Variants in PRLR observed in about 807,000 individuals in gnomAD.
PRLR encodes the protein prolactin receptor.
In PRLR, 13 loss-of-function variants were observed where a neutral mutation model predicts 40.2. That is an observed-to-expected ratio of 0.32 (90% CI 0.21 to 0.51). The LOEUF (loss-of-function observed/expected upper bound fraction) is 0.51, where lower values mean the gene tolerates loss of function less well. PRLR is among the 20% of genes least tolerant of loss of function. The pLI is 0.97. For missense variants in PRLR, 656 were observed against 747.3 expected (o/e 0.88, Z 1.42); for synonymous variants, 269 against 278.7 (o/e 0.97, Z 0.35).
intron 1 of PRLR, among the ~76,000 whole-genome samples, chr5:35,123,716 T>G (rs1773365252): frequency 6.6e-6 from 1 of 152,234 alleles, no homozygotes; most frequent in South Asian, 2.1e-4. Context: ...AACAAGGAGC[T>G]AAGCTGCTTG....
rs141575149 is a variant in PRLR at position 35,106,317 on chromosome 5, A to C, written c.-44+11744T>G. ...TCAAGGCTAGGAAGAAACTGCATCA[A>C]CTAATAAGCAAAATAACCAGCTAGC... On this transcript the variant is annotated intron_variant, in intron 2 of 9. Coordinates refer to ENST00000618457, the MANE Select transcript of PRLR (RefSeq NM_000949.7). Among the ~76,000 whole-genome samples the C allele has an allele frequency of 1.9e-3, 295 of 152,342 alleles. 1 individual carries two copies. The highest frequency in any genetic ancestry group is 6.9e-3 in the African/African-American group (288 of 41,570).
At chr5:35,068,136 CG>C in intron 9 of PRLR, 79 bp downstream of exon 9, 1 of 1,306,942 alleles carries the variant, frequency 7.7e-7, no homozygotes, top group African/African-American at 1.5e-5. Flanking sequence ...GCTGAACTGA[CG>C]GGGACTGTGT....
chr5:35,222,052 C>G (rs956363558), intron 1 of PRLR, among the ~76,000 whole-genome samples: 1 of 152,196 alleles, frequency 6.6e-6, no homozygotes, highest in Non-Finnish European at 1.5e-5. Context: ...TGCCTGTAAT[C>G]CCAGCACTTT....
At chr5:35,219,343 G>T (rs1013585434) in intron 1 of PRLR, among the ~76,000 whole-genome samples, 26 of 152,136 alleles carry the variant, frequency 1.7e-4, no homozygotes, top group African/African-American at 6.3e-4. Context: ...ATGATCTTGG[G>T]CATATGACTT....
chr5:35,096,960 C>T (rs1225674920), intron 2 of PRLR, among the ~76,000 whole-genome samples: 1 of 152,164 alleles, frequency 6.6e-6, no homozygotes. Context: ...TGGACATTCT[C>T]ACTAATTGGC....
rs926795231 is a variant in PRLR at position 35,118,067 on chromosome 5, G to A, written c.-50C>T. On this transcript the variant is annotated 5_prime_UTR_variant, in exon 2 of 10. Transcript: ENST00000618457. ...GAGAACAAGTCCCCCTTACCTTCAG[G>A]GTTCATGTGGAAAGCATCCTCAGTG... The A allele has an allele frequency of 3.0e-6, 3 of 985,106 alleles. No individual in the cohort carries two copies. The African/African-American group carries it at 5.2e-5, about 17-fold the overall frequency. 61.0% of individuals were successfully genotyped at this position (985,106 alleles called of 1,614,324 possible).
chr5:35,177,428 C>T (rs557062970), intron 1 of PRLR, among the ~76,000 whole-genome samples: 1 of 152,240 alleles, frequency 6.6e-6, no homozygotes, highest in East Asian at 1.9e-4. Flanking sequence ...ATTTTTTTCA[C>T]CACCTAAGGA....
At chr5:35,068,919 A>G in intron 7 of PRLR, 41 bp from the exon 8 acceptor site, 2 of 1,445,446 alleles carry the variant, frequency 1.4e-6, no homozygotes, top group African/African-American at 1.4e-5. Flanking sequence ...CACGTACAGC[A>G]TCATTAAAAA....
chr5:35,175,545 C>A (rs905617996), intron 1 of PRLR, among the ~76,000 whole-genome samples: 6 of 151,166 alleles, frequency 4.0e-5, no homozygotes, highest in African/African-American at 4.9e-5. Context: ...GATGTGGATG[C>A]CTTGGGAGAA....
At chr5:35,090,977 A>AT (rs1424540776) in intron 2 of PRLR, among the ~76,000 whole-genome samples, 4 of 151,048 alleles carry the variant, frequency 2.6e-5, no homozygotes, top group Admixed American at 6.6e-5. Context: ...TGCCCGGCTA[A>AT]TTTTTTTTGT....
chr5:35,113,477 C>CCATCCATCCATCCATG (rs1561311176), intron 2 of PRLR, among the ~76,000 whole-genome samples: 2 of 147,884 alleles, frequency 1.4e-5, no homozygotes, highest in African/African-American at 5.0e-5. Context: ...ATCCATCCAT[C>CCATCCATCCATCCATG]CATCCATCCA....
chr5:35,188,743 G>C (rs1775515281), intron 1 of PRLR, among the ~76,000 whole-genome samples: 1 of 152,208 alleles, frequency 6.6e-6, no homozygotes, highest in East Asian at 1.9e-4. Flanking sequence ...ATACAAACCG[G>C]TGGAATCTCA....
At chr5:35,153,062 G>C (rs1372016199) in intron 1 of PRLR, 1 of 152,116 alleles carries the variant, frequency 6.6e-6, no homozygotes, top group Non-Finnish European at 1.5e-5. Context: ...CTTTGATATG[G>C]AGACAATAAT....
Position 35,100,759 on chromosome 5 carries a change from C to T in PRLR, c.-43-11096G>A, listed in dbSNP as rs557618249. On this transcript the variant is annotated intron_variant, in intron 2 of 9. Coordinates refer to ENST00000618457, the MANE Select transcript of PRLR (RefSeq NM_000949.7). ...TCTAGCCTAGTCCTGGTCTTTAAAGCTTTTTACATATTCCCCCCTCTATTT... is the reference window on the plus strand; with the variant it reads ...TCTAGCCTAGTCCTGGTCTTTAAAGTTTTTTACATATTCCCCCCTCTATTT... Among the ~76,000 whole-genome samples the T allele has an allele frequency of 2.6e-5, 4 of 152,214 alleles. No individual in the cohort carries two copies. The South Asian group carries it at 8.3e-4, about 32-fold the overall frequency.
chr5:35,090,343 G>T (rs1771119729), intron 2 of PRLR, among the ~76,000 whole-genome samples: 1 of 152,140 alleles, frequency 6.6e-6, no homozygotes, highest in Non-Finnish European at 1.5e-5. Flanking sequence ...TTCTGAACCT[G>T]CAGGGGTTGG....
intron 1 of PRLR, among the ~76,000 whole-genome samples, chr5:35,146,861 T>C (rs1025717021): frequency 4.6e-5 from 7 of 152,192 alleles, no homozygotes; most frequent in African/African-American, 7.2e-5. Context: ...TTTCATTCTT[T>C]TGCAAATGAG....
intron 9 of PRLR, among the ~76,000 whole-genome samples, chr5:35,067,246 T>C (rs1328060433): frequency 6.6e-6 from 1 of 152,200 alleles, no homozygotes; most frequent in African/African-American, 2.4e-5. Flanking sequence ...AGAGGTAATA[T>C]CATTAAGAAT....
In PRLR at chr5:35,056,069, A is replaced by G. The variant is rs1038793117; in HGVS notation, c.*9020T>C. 15 of 152,214 alleles carry G rather than the reference A, an allele frequency of 9.9e-5. No individual in the cohort carries two copies. The highest frequency in any genetic ancestry group is 1.6e-4 in the Non-Finnish European group (11 of 68,028). The allele number at this position is 152,214 out of a possible 1,614,324, so 9.4% of individuals were successfully genotyped here. On this transcript the variant is annotated 3_prime_UTR_variant, in exon 10 of 10. Coordinates refer to ENST00000618457, the MANE Select transcript of PRLR (RefSeq NM_000949.7). ...CCACATCCTCTTTCCTTTTCTTAAG[A>G]AAATATTTTATCACATTCGTAAAAG...
chr5:35,148,315 T>C (rs988279950), intron 1 of PRLR, among the ~76,000 whole-genome samples: 2 of 152,118 alleles, frequency 1.3e-5, no homozygotes, highest in Non-Finnish European at 2.9e-5. Context: ...CTTGGGAGTA[T>C]AGGGTTTTTG....
Sources: allele counts gnomAD v4.1 joint callset (sites outside exome capture counted in the v4.1 genomes callset), GRCh38; gene constraint gnomAD v4.1.1; transcripts MANE v1.5; gene names NCBI Gene and HGNC (gene_info 2026-07-23, HGNC 2026-07-21).